The following TRPS1 variants were observed in gnomAD, a reference collection of about 807,000 sequenced individuals.
TRPS1 encodes zinc finger transcription factor Trps1.
A neutral mutation model predicts 101.2 loss-of-function variants in TRPS1; 6 were observed. The ratio of observed to expected loss-of-function variants is 0.06; its 90% CI spans 0.03 to 0.12. The LOEUF (loss-of-function observed/expected upper bound fraction) is 0.12, where lower values mean the gene tolerates loss of function less well. TRPS1 is among the 10% of genes least tolerant of loss of function. The pLI, the probability that TRPS1 is intolerant of heterozygous loss-of-function variation, is 1.00. For synonymous variants in TRPS1, 578 were observed against 589.8 expected (o/e 0.98, Z 0.29); for missense variants, 1,363 against 1,567.0 (o/e 0.87, Z 2.20).
chr8:115,605,508 C>G (rs779072590), intron 3 of TRPS1, among the ~76,000 whole-genome samples: 2 of 152,068 alleles, frequency 1.3e-5, no homozygotes, highest in African/African-American at 2.4e-5. Flanking sequence ...AAGATGAGGT[C>G]TCTGTTTTAG....
rs537606433 is a variant in TRPS1, at chr8:115,569,212, G to T, written c.2700+17789C>A. Among the ~76,000 whole-genome samples, 3 of 151,884 alleles carry T rather than the reference G, an allele frequency of 2.0e-5. No homozygotes were observed. In the South Asian group the frequency reaches 6.2e-4, roughly 32 times the overall value. On this transcript the variant is annotated intron_variant, in intron 5 of 6. Coordinates refer to ENST00000395715, the MANE Select transcript of TRPS1 (RefSeq NM_014112.5). ...CCTCTCTGCATGAATTCCAATCCTG[G>T]CAGGCAATAAATCTGGTACCAGAGT...
intron 5 of TRPS1, among the ~76,000 whole-genome samples, chr8:115,570,337 A>C (rs1229482431): frequency 6.6e-6 from 1 of 152,104 alleles, no homozygotes; most frequent in East Asian, 1.9e-4. Flanking sequence ...TTATAATCTT[A>C]ATGGTAGAAA....
chr8:115,531,510 T>C (rs560103807), intron 5 of TRPS1, among the ~76,000 whole-genome samples: 1 of 152,200 alleles, frequency 6.6e-6, no homozygotes. Context: ...TAATTTAACA[T>C]ACTTTTGTGC....
intron 5 of TRPS1, among the ~76,000 whole-genome samples, chr8:115,495,813 T>C (rs1267274811): frequency 6.6e-6 from 1 of 152,204 alleles, no homozygotes; most frequent in Non-Finnish European, 1.5e-5. Context: ...TTAATGAGCT[T>C]ATCATACTGT....
intron 5 of TRPS1, among the ~76,000 whole-genome samples, chr8:115,510,401 A>T (rs1468572146): frequency 2.0e-5 from 3 of 151,958 alleles, no homozygotes; most frequent in African/African-American, 7.2e-5. Context: ...CACTCATGCC[A>T]GGGCTCAGGT....
intron 5 of TRPS1, among the ~76,000 whole-genome samples, chr8:115,465,036 T>C (rs1045074846): frequency 6.6e-6 from 1 of 152,106 alleles, no homozygotes; most frequent in Non-Finnish European, 1.5e-5. Flanking sequence ...ACAATTTAGA[T>C]TGTTTATCAA....
intron 1 of TRPS1, among the ~76,000 whole-genome samples, chr8:115,652,093 G>A (rs953031195): frequency 6.6e-6 from 1 of 152,132 alleles, no homozygotes; most frequent in East Asian, 1.9e-4. Context: ...TAGATTAAGA[G>A]AACATTCAAT....
chr8:115,580,961 C>A (rs1185710773), intron 5 of TRPS1, among the ~76,000 whole-genome samples: 1 of 152,084 alleles, frequency 6.6e-6, no homozygotes, highest in Admixed American at 6.6e-5. Flanking sequence ...ATGTTCACTG[C>A]AGCACTATTG....
At chr8:115,578,922 C>T (rs1817381694) in intron 5 of TRPS1, among the ~76,000 whole-genome samples, 1 of 151,958 alleles carries the variant, frequency 6.6e-6, no homozygotes, top group South Asian at 2.1e-4. Context: ...AGAAAGTCAC[C>T]CAAGTATTTA....
intron 1 of TRPS1, among the ~76,000 whole-genome samples, chr8:115,648,409 G>A (rs1392344696): frequency 6.6e-6 from 1 of 152,180 alleles, no homozygotes; most frequent in Admixed American, 6.5e-5. Context: ...CCCACAGCCC[G>A]GGCGCCGAGC....
intron 2 of TRPS1, among the ~76,000 whole-genome samples, chr8:115,620,946 T>C (rs1459789614): frequency 6.6e-6 from 1 of 152,212 alleles, no homozygotes. Flanking sequence ...CTGAACCATA[T>C]GACATTGTCC....
chr8:115,542,551 C>T (rs184664728), intron 5 of TRPS1, among the ~76,000 whole-genome samples: 17 of 151,946 alleles, frequency 1.1e-4, no homozygotes, highest in Non-Finnish European at 2.2e-4. Context: ...GAAATAAAGA[C>T]GGGGAGATGG....
chr8:115,414,597 T>C lies in TRPS1; in HGVS notation c.3311A>G (p.Gln1104Arg). Residue 1104 changes from glutamine (Q) to arginine (R), a missense_variant, in exon 7 of 7, where the codon CAG (glutamine) becomes CGG (arginine). Transcript: ENST00000395715. This position sits in a 1 kb window ranked among gnomAD's most constrained non-coding sequence, Gnocchi z 4.8. ...AAAGGGAAGTCCAAAAAGTGGGTAC[T>C]GGTACTTTTCAATAGGGCTGCCTGG... ...SPPGSPIEKY[Q>R]YPLFGLPFVH... 1 of 1,614,026 alleles carries C rather than the reference T, an allele frequency of 6.2e-7. No individual in the cohort carries two copies. Among genetic ancestry groups the C allele is most frequent in the Non-Finnish European group, 8.5e-7 (1 of 1,179,952 alleles).
intron 5 of TRPS1, among the ~76,000 whole-genome samples, chr8:115,433,000 T>C (rs1381402535): frequency 6.6e-6 from 1 of 151,956 alleles, no homozygotes. Flanking sequence ...TAATGTGAGT[T>C]CCTATCTGAG....
At chr8:115,545,757 A>G (rs1396564368) in intron 5 of TRPS1, among the ~76,000 whole-genome samples, 2 of 152,174 alleles carry the variant, frequency 1.3e-5, no homozygotes, top group Non-Finnish European at 1.5e-5. Context: ...AATTCATACT[A>G]TCTTTTAGTT....
intron 2 of TRPS1, among the ~76,000 whole-genome samples, chr8:115,621,210 G>C (rs1818385263): frequency 6.6e-6 from 1 of 152,200 alleles, no homozygotes; most frequent in Non-Finnish European, 1.5e-5. Context: ...TTCCGTGGCT[G>C]CTGTTTCTTA....
chr8:115,587,075 A>G lies in TRPS1; in HGVS notation c.2626T>C (p.Ser876Pro). The G allele has an allele frequency of 6.2e-7, 1 of 1,614,092 alleles. No homozygotes were observed. The highest frequency in any genetic ancestry group is 8.5e-7 in the Non-Finnish European group (1 of 1,180,008). ...LQGAPAGGEK[S>P]GALPQQYPAS... ...GGATACTGCTGGGGGAGGGCCCCAG[A>G]CTTCTCTCCGCCAGCTGGCGCCCCC... Residue 876 changes from serine to proline, a missense_variant, in exon 5 of 7, where the codon TCT (serine) becomes CCT (proline). Coordinates refer to ENST00000395715, the MANE Select transcript of TRPS1 (RefSeq NM_014112.5).
chr8:115,641,433 C>A lies in TRPS1; in HGVS notation c.-121-17675G>T, dbSNP rs543528243. ...TGCCCAAAAAGGGGCAGCAGCGTCT[C>A]TGTAGGGAACAACCACAGATTATTC... On this transcript the variant is annotated intron_variant, in intron 1 of 6. Transcript: ENST00000395715. Among the ~76,000 whole-genome samples, 5 of 152,356 alleles carry A rather than the reference C, an allele frequency of 3.3e-5. No individual in the cohort carries two copies. In the South Asian group the frequency reaches 8.3e-4, roughly 25 times the overall value.
intron 5 of TRPS1, among the ~76,000 whole-genome samples, chr8:115,560,746 C>G (rs1816927082): frequency 6.6e-6 from 1 of 152,038 alleles, no homozygotes; most frequent in African/African-American, 2.4e-5. Flanking sequence ...ACAATGCTAC[C>G]TGGCAGACAC....
Sources: gnomAD v4.1 joint callset for allele counts (sites outside exome capture counted in the v4.1 genomes callset) on GRCh38, gnomAD v4.1.1 for gene constraint, Gnocchi (gnomAD v3.1) non-coding constraint, MANE v1.5 for transcripts, NCBI Gene and HGNC (gene_info 2026-07-23, HGNC 2026-07-21) for gene names.